The following NCKAP5 variants were observed in gnomAD, a reference collection of about 807,000 sequenced individuals.
NCKAP5 encodes the protein NCK associated protein 5.
In NCKAP5, 92 loss-of-function variants were observed where a neutral mutation model predicts 167.0. The observed-to-expected ratio is 0.55, with a 90% CI of 0.47 to 0.66. The LOEUF (loss-of-function observed/expected upper bound fraction) is 0.66. Ranked by LOEUF, NCKAP5 falls within the 30% of genes least tolerant of loss-of-function variation. NCKAP5 has a pLI of 0.00. For missense variants in NCKAP5, 2,378 were observed against 2,315.0 expected (o/e 1.03, Z -0.56); for synonymous variants, 891 against 877.4 (o/e 1.02, Z -0.27).
intron 3 of NCKAP5, among the ~76,000 whole-genome samples, chr2:133,440,528 G>A (rs1166999042): frequency 1.3e-5 from 2 of 151,822 alleles, no homozygotes; most frequent in African/African-American, 4.8e-5. Flanking sequence ...GGCTAACACG[G>A]TGAAACTCCA....
At chr2:133,012,578 T>C (rs1016892605) in intron 6 of NCKAP5, among the ~76,000 whole-genome samples, 1 of 152,070 alleles carries the variant, frequency 6.6e-6, no homozygotes. Context: ...TCCCCTTCAA[T>C]GGCTTTTTCT....
chr2:133,190,977 A>G (rs2085191972), intron 5 of NCKAP5, among the ~76,000 whole-genome samples: 1 of 152,196 alleles, frequency 6.6e-6, no homozygotes, highest in African/African-American at 2.4e-5. Context: ...CATCAGAGTG[A>G]ACAGGCAACC....
At chr2:133,458,220 C>T (rs1026506545) in intron 3 of NCKAP5, among the ~76,000 whole-genome samples, 10 of 152,218 alleles carry the variant, frequency 6.6e-5, no homozygotes, top group African/African-American at 2.2e-4. Flanking sequence ...ACTGGATTAG[C>T]GAAAATCTAC....
At chr2:133,424,245 C>T (rs1689654392) in intron 3 of NCKAP5, among the ~76,000 whole-genome samples, 2 of 152,226 alleles carry the variant, frequency 1.3e-5, no homozygotes, top group African/African-American at 4.8e-5. Context: ...CAAAAGAGTC[C>T]TTCTCAGGCT....
intron 8 of NCKAP5, among the ~76,000 whole-genome samples, chr2:132,881,059 T>G (rs1433428811): frequency 2.0e-5 from 3 of 152,232 alleles, no homozygotes; most frequent in Non-Finnish European, 4.4e-5. Flanking sequence ...ATTGTCCCAA[T>G]AATGTCATTG....
At chr2:133,353,477 T>C (rs1684499733) in intron 3 of NCKAP5, among the ~76,000 whole-genome samples, 1 of 152,142 alleles carries the variant, frequency 6.6e-6, no homozygotes, top group African/African-American at 2.4e-5. Context: ...CAATTTGATA[T>C]AGACAGGAGA....
intron 8 of NCKAP5, among the ~76,000 whole-genome samples, chr2:132,913,066 T>C (rs1026982456): frequency 6.6e-6 from 1 of 152,016 alleles, no homozygotes; most frequent in Non-Finnish European, 1.5e-5. Context: ...GACTTGGACC[T>C]AAGATTTGTC....
intron 11 of NCKAP5, among the ~76,000 whole-genome samples, chr2:132,820,288 G>A (rs1359759657): frequency 1.3e-5 from 2 of 151,714 alleles, no homozygotes; most frequent in Non-Finnish European, 2.9e-5. Flanking sequence ...GGAGTGTGGT[G>A]GTGCAATCTC....
intron 4 of NCKAP5, among the ~76,000 whole-genome samples, chr2:133,273,104 T>C (rs560882799): frequency 2.0e-5 from 3 of 152,302 alleles, no homozygotes; most frequent in Non-Finnish European, 4.4e-5. Flanking sequence ...AGTAAGTGTT[T>C]AACATTTTGA....
chr2:133,454,534 G>A (rs1691732124), intron 3 of NCKAP5, among the ~76,000 whole-genome samples: 2 of 152,036 alleles, frequency 1.3e-5, no homozygotes, highest in African/African-American at 2.4e-5. Flanking sequence ...CAACAGACTT[G>A]TAAACTCAAG....
At chr2:132,998,424 T>G (rs1422943358) in intron 6 of NCKAP5, among the ~76,000 whole-genome samples, 1 of 152,186 alleles carries the variant, frequency 6.6e-6, no homozygotes, top group Non-Finnish European at 1.5e-5. Context: ...TACTTTATGA[T>G]TAATCAAAAC....
intron 4 of NCKAP5, among the ~76,000 whole-genome samples, chr2:133,245,746 T>C (rs927725735): frequency 2.0e-5 from 3 of 152,110 alleles, no homozygotes; most frequent in Non-Finnish European, 2.9e-5. Context: ...AGGCCACAAG[T>C]AGTTTCAATC....
the NCKAP5 span, among the ~76,000 whole-genome samples, chr2:133,581,549 TG>T: frequency 6.6e-6 from 1 of 152,146 alleles, no homozygotes; most frequent in Non-Finnish European, 1.5e-5. Flanking sequence ...GGCCTCCAGG[TG>T]ATTAAATAAT....
chr2:132,805,688 G>A (rs1192689423), intron 11 of NCKAP5, among the ~76,000 whole-genome samples: 1 of 151,336 alleles, frequency 6.6e-6, no homozygotes, highest in Admixed American at 6.6e-5. Context: ...CATTTATAGA[G>A]TGCTCACTTG....
intron 6 of NCKAP5, among the ~76,000 whole-genome samples, chr2:133,059,265 A>C (rs1348873607): frequency 6.6e-6 from 1 of 151,978 alleles, no homozygotes; most frequent in Non-Finnish European, 1.5e-5. Flanking sequence ...GCGCCACTGC[A>C]CTCCAGCCTG....
chr2:133,308,385 G>T (rs1181644695), intron 3 of NCKAP5, among the ~76,000 whole-genome samples: 1 of 152,046 alleles, frequency 6.6e-6, no homozygotes, highest in Admixed American at 6.6e-5. Context: ...ACCGCGCCCG[G>T]CTATTGTTCT....
At chr2:132,875,187 G>A (rs941275266) in intron 9 of NCKAP5, among the ~76,000 whole-genome samples, 5 of 152,158 alleles carry the variant, frequency 3.3e-5, no homozygotes, top group African/African-American at 1.2e-4. Flanking sequence ...CAAGAGCAGA[G>A]TCAGATGGGA....
At chr2:133,415,314 T>C (rs1689040467) in intron 3 of NCKAP5, among the ~76,000 whole-genome samples, 1 of 152,246 alleles carries the variant, frequency 6.6e-6, no homozygotes, top group South Asian at 2.1e-4. Flanking sequence ...AAATTATTAA[T>C]GTGAGATACT....
chr2:132,851,914 T>C, intron 11 of NCKAP5, among the ~76,000 whole-genome samples: 1 of 152,174 alleles, frequency 6.6e-6, no homozygotes, highest in East Asian at 1.9e-4. Flanking sequence ...TAGTCTTTCA[T>C]GTCAGAGTTT....
Sources: gnomAD v4.1 joint callset for allele counts (sites outside exome capture counted in the v4.1 genomes callset) on GRCh38, gnomAD v4.1.1 for gene constraint, MANE v1.5 for transcripts, NCBI Gene and HGNC (gene_info 2026-07-23, HGNC 2026-07-21) for gene names.